GABRA2: variants seen among roughly 807,000 people sequenced by gnomAD.
GABRA2 encodes the protein gamma-aminobutyric acid type A receptor subunit alpha2.
In GABRA2, 16 loss-of-function variants were observed where a neutral mutation model predicts 48.7. The observed-to-expected ratio is 0.33, with a 90% CI of 0.22 to 0.50. The LOEUF (loss-of-function observed/expected upper bound fraction) is 0.50, where lower values mean the gene tolerates loss of function less well. Ranked by LOEUF, GABRA2 falls within the 20% of genes least tolerant of loss-of-function variation. GABRA2 has a pLI of 0.98. For synonymous variants in GABRA2, 185 were observed against 184.5 expected (o/e 1.00, Z -0.02); for missense variants, 275 against 535.6 (o/e 0.51, Z 4.80).
intron 8 of GABRA2, among the ~76,000 whole-genome samples, chr4:46,298,849 G>A (rs1461293995): frequency 6.6e-6 from 1 of 151,768 alleles, no homozygotes; most frequent in Non-Finnish European, 1.5e-5. Context: ...TGAAAACTGT[G>A]TAGCAACTAA....
intron 3 of GABRA2, among the ~76,000 whole-genome samples, chr4:46,348,598 A>G (rs1453540862): frequency 6.6e-6 from 1 of 152,048 alleles, no homozygotes; most frequent in African/African-American, 2.4e-5. Context: ...TGCAGTCATA[A>G]AAAATGATGA....
intron 4 of GABRA2, among the ~76,000 whole-genome samples, chr4:46,330,591 T>TATATATAGAGAGAGAGAG (rs1411755120): frequency 3.2e-3 from 394 of 122,580 alleles, no homozygotes; most frequent in East Asian, 7.4e-3. Flanking sequence ...TATATATATA[T>TATATATAGAGAGAGAGAG]AGAGAGAGAG....
Position 46,388,648 on chromosome 4 carries a change from C to T in GABRA2, c.59G>A (p.Trp20Ter). The part of the protein sequence containing the change: ...MQFLLFVFLV[W>*]DPARLVLANI... ...ATAAATATCTCACCTGGCAGGGTCC[C>T]ACACCAAGAAAACAAAAAGCAGGAA... Residue 20 changes from tryptophan (W) to a stop codon, truncating the protein, a stop_gained, in exon 2 of 10, where the codon TGG becomes TAG. Transcript: ENST00000381620. LOFTEE classifies it high-confidence loss of function. 1 of 1,614,084 alleles carries T rather than the reference C, an allele frequency of 6.2e-7. No homozygotes were observed. The highest frequency in any genetic ancestry group is 8.5e-7 in the Non-Finnish European group (1 of 1,179,996).
intron 3 of GABRA2, among the ~76,000 whole-genome samples, chr4:46,349,254 A>G (rs1734715273): frequency 6.6e-6 from 1 of 152,122 alleles, no homozygotes; most frequent in South Asian, 2.1e-4. Context: ...TGAACCTGGA[A>G]TATCTCTAAG....
At chr4:46,345,577 C>T (rs1734018154) in intron 3 of GABRA2, among the ~76,000 whole-genome samples, 1 of 151,850 alleles carries the variant, frequency 6.6e-6, no homozygotes, top group African/African-American at 2.4e-5. Context: ...TTCCACGTCA[C>T]TCCCCAAGAG....
chr4:46,338,056 C>T (rs951010257), intron 3 of GABRA2, among the ~76,000 whole-genome samples: 2 of 151,676 alleles, frequency 1.3e-5, no homozygotes, highest in Admixed American at 6.6e-5. Flanking sequence ...TTCTTTGTAC[C>T]AGATCCTCCT....
chr4:46,324,269 T>C (rs1283171183), intron 4 of GABRA2, among the ~76,000 whole-genome samples: 4 of 152,028 alleles, frequency 2.6e-5, no homozygotes, highest in Non-Finnish European at 5.9e-5. Flanking sequence ...ACTGGTATTC[T>C]TAAAGTCACA....
intron 3 of GABRA2, among the ~76,000 whole-genome samples, chr4:46,375,127 G>A (rs1418778527): frequency 6.6e-6 from 1 of 151,962 alleles, no homozygotes; most frequent in African/African-American, 2.4e-5. Context: ...TACCACTAAT[G>A]CTAATTACTT....
chr4:46,303,655 C>A lies in GABRA2; in HGVS notation c.704-43G>T, dbSNP rs747484370. ...GAAGCTCAAGGAGTAATAGTCAATA[C>A]TTTGAACATTTAGGAAATAGAAGGG... On this transcript the variant is annotated intron_variant, in intron 7 of 9. Transcript: ENST00000381620. The A allele has an allele frequency of 1.9e-6, 3 of 1,560,626 alleles. No individual in the cohort carries two copies. In the Admixed American group the frequency reaches 5.3e-5, roughly 27 times the overall value.
intron 4 of GABRA2, among the ~76,000 whole-genome samples, chr4:46,331,406 G>T (rs1033242605): frequency 6.6e-6 from 1 of 152,066 alleles, no homozygotes. Flanking sequence ...GTGGAATTTA[G>T]GTTCTCTAAC....
rs1201211085 is a variant in GABRA2 at position 46,256,913 on chromosome 4, T to C, written c.1059+5013A>G. Among the ~76,000 whole-genome samples the C allele has an allele frequency of 7.3e-5, 11 of 151,688 alleles. No homozygotes were observed. The Admixed American group carries it at 7.3e-4, about 10-fold the overall frequency. ...ATATTTTGTTCCTACGTCTACGTTT[T>C]GAGTAAATTATTATCTAGTGTTTTC... is the stretch of plus-strand genomic sequence containing the variant. On this transcript the variant is annotated intron_variant, in intron 9 of 9. Transcript: ENST00000381620.
chr4:46,258,295 G>C (rs947785013), intron 9 of GABRA2, among the ~76,000 whole-genome samples: 6 of 151,792 alleles, frequency 4.0e-5, no homozygotes, highest in African/African-American at 1.4e-4. Context: ...AAAGAGTTGA[G>C]ACAGAAATAT....
chr4:46,294,061 C>A (rs1410685097), intron 8 of GABRA2, among the ~76,000 whole-genome samples: 1 of 152,220 alleles, frequency 6.6e-6, no homozygotes, highest in East Asian at 1.9e-4. Flanking sequence ...CCACCAGAAG[C>A]AATTTGCCTT....
chr4:46,298,063 T>C (rs565313437), intron 8 of GABRA2, among the ~76,000 whole-genome samples: 4 of 152,160 alleles, frequency 2.6e-5, no homozygotes, highest in Non-Finnish European at 4.4e-5. Context: ...TCTACAGTTA[T>C]TTCTAGCTTT....
intron 8 of GABRA2, among the ~76,000 whole-genome samples, chr4:46,273,876 C>G (rs140788016): frequency 6.6e-6 from 1 of 152,162 alleles, no homozygotes; most frequent in African/African-American, 2.4e-5. Context: ...CATATCTATT[C>G]ATTTTAAGGG....
chr4:46,266,592 A>G lies in GABRA2; in HGVS notation c.857-4464T>C, dbSNP rs1323215242. ...GCCTTTGGCATTCCACAGTTTTATT[A>G]TGATATATCCAGTTGTGATTTCTTA... On this transcript the variant is annotated intron_variant, in intron 8 of 9. Transcript: ENST00000381620. Among the ~76,000 whole-genome samples, 5 of 150,974 alleles carry G rather than the reference A, an allele frequency of 3.3e-5. No homozygotes were observed. In the East Asian group the frequency reaches 9.8e-4, roughly 29 times the overall value.
At chr4:46,350,796 A>G (rs1265324969) in intron 3 of GABRA2, among the ~76,000 whole-genome samples, 2 of 151,990 alleles carry the variant, frequency 1.3e-5, no homozygotes, top group Non-Finnish European at 2.9e-5. Context: ...TAAAAGACAA[A>G]TAGAAAACAT....
chr4:46,291,776 C>CATATATATATATAT (rs560142153), intron 8 of GABRA2, among the ~76,000 whole-genome samples: 214 of 144,766 alleles, frequency 1.5e-3, no homozygotes, highest in Admixed American at 2.7e-3. Flanking sequence ...TAAACACACA[C>CATATATATATATAT]ATATATATAT....
chr4:46,314,683 T>C (rs1344503113), intron 4 of GABRA2, among the ~76,000 whole-genome samples: 5 of 152,086 alleles, frequency 3.3e-5, no homozygotes, highest in African/African-American at 2.4e-5. Context: ...GTCATCTTTA[T>C]GTCCATGAGT....
Sources: gnomAD v4.1 joint callset for allele counts (sites outside exome capture counted in the v4.1 genomes callset) on GRCh38, gnomAD v4.1.1 for gene constraint, MANE v1.5 for transcripts, NCBI Gene and HGNC (gene_info 2026-07-23, HGNC 2026-07-21) for gene names.